The following MCF2L variants were observed in gnomAD, a reference collection of about 807,000 sequenced individuals.
MCF2L encodes MCF.2 cell line derived transforming sequence like.
In MCF2L, 97 loss-of-function variants were observed where a neutral mutation model predicts 153.4. The ratio of observed to expected loss-of-function variants is 0.63; its 90% CI spans 0.54 to 0.75. The LOEUF is 0.75. MCF2L is among the 30% of genes least tolerant of loss of function. The pLI, the probability that MCF2L is intolerant of heterozygous loss-of-function variation, is 0.00. For missense variants in MCF2L, 1,347 were observed against 1,495.2 expected, an observed-to-expected ratio of 0.90 and a Z score of 1.64; for synonymous variants, 659 against 632.2, an observed-to-expected ratio of 1.04 and a Z score of -0.64.
chr13:113,061,059 C>T (rs531734772), intron 5 of MCF2L, among the ~76,000 whole-genome samples: 4 of 152,156 alleles, frequency 2.6e-5, no homozygotes, highest in Non-Finnish European at 5.9e-5. Flanking sequence ...CCGCCTGGCC[C>T]ACCCGCGAGG....
chr13:112,961,960 C>T (rs958620860), intron 2 of MCF2L, among the ~76,000 whole-genome samples: 2 of 152,196 alleles, frequency 1.3e-5, no homozygotes, highest in African/African-American at 2.4e-5. Context: ...CCAGCTTCTC[C>T]GTTGCACAGC....
At chr13:112,954,236 A>G (rs1190712939) in intron 2 of MCF2L, among the ~76,000 whole-genome samples, 2 of 152,092 alleles carry the variant, frequency 1.3e-5, no homozygotes, top group Non-Finnish European at 2.9e-5. Context: ...TGGAAGAGAA[A>G]GTGTGCCCAG....
chr13:113,095,691 C>G, intron 27 of MCF2L: 1 of 992,500 alleles, frequency 1.0e-6, no homozygotes, highest in Non-Finnish European at 1.2e-6. Context: ...AGTCACCGTC[C>G]TCCTGCTCCA....
At chr13:113,037,244 G>A (rs2086212521) in intron 3 of MCF2L, among the ~76,000 whole-genome samples, 1 of 152,198 alleles carries the variant, frequency 6.6e-6, no homozygotes, top group East Asian at 1.9e-4. Context: ...GACCACGATA[G>A]AAAGCACCTT....
At chr13:112,991,244 T>G (rs2082883917) in intron 1 of MCF2L, among the ~76,000 whole-genome samples, 1 of 152,020 alleles carries the variant, frequency 6.6e-6, no homozygotes. Context: ...TGGGACCTGA[T>G]TCGCTGTGTT....
chr13:113,069,679 C>A (rs1364377451), intron 8 of MCF2L, among the ~76,000 whole-genome samples: 2 of 152,012 alleles, frequency 1.3e-5, no homozygotes, highest in African/African-American at 4.8e-5. Context: ...TGAGCCGAGA[C>A]TGCACCACTG....
intron 8 of MCF2L, among the ~76,000 whole-genome samples, chr13:113,069,648 A>T (rs2032661935): frequency 6.6e-6 from 1 of 152,070 alleles, no homozygotes; most frequent in Non-Finnish European, 1.5e-5. Flanking sequence ...AGTCCCAGCT[A>T]CGCGGAGGCA....
chr13:113,058,947 T>TTGGGTGCTGAG (rs2030867060), intron 4 of MCF2L, among the ~76,000 whole-genome samples: 2 of 150,474 alleles, frequency 1.3e-5, no homozygotes, highest in Admixed American at 6.6e-5. Flanking sequence ...TCGGCACTGT[T>TTGGGTGCTGAG]TGGGTGCTGA....
In MCF2L at chr13:113,015,317, C is replaced by G. The variant is rs2084436256; in HGVS notation, c.163+471C>G. ...GGCTCCCAGCACCCCTGTGTGGGTA[C>G]AGCAAGGGCACCTGCAGTGGCCCCG... On this transcript the variant is annotated intron_variant, in intron 2 of 29. Coordinates refer to ENST00000535094, the MANE Select transcript of MCF2L (RefSeq NM_001112732.3). Among the ~76,000 whole-genome samples the G allele has an allele frequency of 2.0e-5, 3 of 152,246 alleles. No homozygotes were observed. The South Asian group carries it at 6.2e-4, about 31-fold the overall frequency.
intron 2 of MCF2L, among the ~76,000 whole-genome samples, chr13:112,942,120 G>C (rs921722835): frequency 1.3e-5 from 2 of 152,214 alleles, no homozygotes; most frequent in South Asian, 4.1e-4. Context: ...CTTGTGGAGG[G>C]TCTGTCAGGC....
Position 113,046,229 on chromosome 13 carries a change from G to A in MCF2L, c.369+868G>A, listed in dbSNP as rs1025975908. ...CCACGCTCGCTCTCCCCGCCTGTCCGTCCAAATTTCATTGCTGCCAAAGGA... is the reference window on the plus strand; with the variant it reads ...CCACGCTCGCTCTCCCCGCCTGTCCATCCAAATTTCATTGCTGCCAAAGGA... On this transcript the variant is annotated intron_variant, in intron 4 of 29. Coordinates refer to ENST00000535094, the MANE Select transcript of MCF2L (RefSeq NM_001112732.3). This position sits in a 1 kb window ranked among gnomAD's most constrained non-coding sequence, Gnocchi z 4.4. 8 of 224,402 alleles carry A rather than the reference G, an allele frequency of 3.6e-5. No homozygotes were observed. The highest frequency in any genetic ancestry group is 6.3e-5 in the South Asian group (1 of 15,904). 13.9% of individuals were successfully genotyped at this position (224,402 alleles called of 1,614,324 possible).
At chr13:113,039,182 T>C (rs1242257867) in intron 3 of MCF2L, among the ~76,000 whole-genome samples, 2 of 152,198 alleles carry the variant, frequency 1.3e-5, no homozygotes, top group Non-Finnish European at 2.9e-5. Context: ...GATTTATTTC[T>C]TAAGTGATAC....
Position 113,097,108 on chromosome 13 carries a change from G to A in MCF2L, c.*249G>A, listed in dbSNP as rs1825701379. ...CAGGGAACAGCCCCGGGCGGCAGGC[G>A]CCGGGCAGCGGCATCTCGTCCTGGC... On this transcript the variant is annotated 3_prime_UTR_variant, in exon 30 of 30. Coordinates refer to ENST00000535094, the MANE Select transcript of MCF2L (RefSeq NM_001112732.3). The A allele has an allele frequency of 8.8e-6, 3 of 341,014 alleles. No individual in the cohort carries two copies. The highest frequency in any genetic ancestry group is 2.9e-4 in the South Asian group (2 of 6,856). 21.1% of individuals were successfully genotyped at this position (341,014 alleles called of 1,614,324 possible).
Position 112,943,626 on chromosome 13 carries a change from G to A in MCF2L, c.169+41255G>A, listed in dbSNP as rs1037122029. On this transcript the variant is annotated intron_variant, in intron 2 of 29. Coordinates refer to the MCF2L transcript ENST00000375608. This position sits in a 1 kb window ranked among gnomAD's most constrained non-coding sequence, Gnocchi z 4.2. ...CGCCCAGGCGCAGAGGAGGCGCGGG[G>A]GGCGGGACCTGCCGGCCAGTCCCTT... 1.7e-4 allele frequency among the ~76,000 whole-genome samples: 26 copies of A among 152,162 alleles called. No individual in the cohort carries two copies. Among genetic ancestry groups the A allele is most frequent in the Non-Finnish European group, 3.1e-4 (21 of 68,004 alleles).
At position 113,022,721 on chromosome 13, in the gene MCF2L, G is replaced by A. The variant is rs533874987; in HGVS notation, c.164-1923G>A. ...TCCTGATCATTGTGGTAGGTGCTGCGTGAAGCTGAGACGTGCGTGAGCCAC... is the reference window on the plus strand; with the variant it reads ...TCCTGATCATTGTGGTAGGTGCTGCATGAAGCTGAGACGTGCGTGAGCCAC... On this transcript the variant is annotated intron_variant, in intron 2 of 29. Coordinates refer to ENST00000535094, the MANE Select transcript of MCF2L (RefSeq NM_001112732.3). Among the ~76,000 whole-genome samples the A allele has an allele frequency of 4.1e-4, 62 of 152,330 alleles. 2 individuals carry two copies. The South Asian group carries it at 0.011, about 28-fold the overall frequency.
At chr13:113,090,564 G>A (rs1249730508) in intron 26 of MCF2L, 1 of 985,296 alleles carries the variant, frequency 1.0e-6, no homozygotes, top group Non-Finnish European at 1.2e-6. Context: ...GCATCCACTA[G>A]TGAACAGGGC....
chr13:112,916,042 CAAA>C (rs68161667), intron 2 of MCF2L, among the ~76,000 whole-genome samples: 1 of 130,556 alleles, frequency 7.7e-6, no homozygotes, highest in Non-Finnish European at 1.7e-5. Flanking sequence ...ACTAAAAATA[CAAA>C]AAAAAAAAAA....
At chr13:112,987,531 C>T (rs1219616648) in intron 1 of MCF2L, among the ~76,000 whole-genome samples, 1 of 152,238 alleles carries the variant, frequency 6.6e-6, no homozygotes, top group African/African-American at 2.4e-5. Flanking sequence ...GAGATTTTAG[C>T]TGCTCTGCCC....
At position 112,969,346 on chromosome 13, in the gene MCF2L, G is replaced by A; in HGVS notation, c.-34G>A. ...CAGGCGCCCCCCGTGCGGAGGAAGCGGATCTGCCAGGATCATTTTTGTTGT... is the reference window on the plus strand; with the variant it reads ...CAGGCGCCCCCCGTGCGGAGGAAGCAGATCTGCCAGGATCATTTTTGTTGT... On this transcript the variant is annotated 5_prime_UTR_variant, in exon 1 of 30. Coordinates refer to ENST00000535094, the MANE Select transcript of MCF2L (RefSeq NM_001112732.3). This position sits in a 1 kb window ranked among gnomAD's most constrained non-coding sequence, Gnocchi z 4.8. 1.3e-6 allele frequency: 2 copies of A among 1,548,646 alleles called. No individual in the cohort carries two copies. The highest frequency in any genetic ancestry group is 1.7e-6 in the Non-Finnish European group (2 of 1,145,820).
Sources: gnomAD v4.1 joint callset for allele counts (sites outside exome capture counted in the v4.1 genomes callset) on GRCh38, gnomAD v4.1.1 for gene constraint, Gnocchi (gnomAD v3.1) non-coding constraint, MANE v1.5 for transcripts, NCBI Gene and HGNC (gene_info 2026-07-23, HGNC 2026-07-21) for gene names.